The following EFNA5 variants were observed in gnomAD, a reference collection of about 807,000 sequenced individuals.
EFNA5 encodes the protein ephrin-A5.
A neutral mutation model predicts 22.9 loss-of-function variants in EFNA5; 5 were observed. The ratio of observed to expected loss-of-function variants is 0.22; its 90% confidence interval spans 0.11 to 0.46. The LOEUF (loss-of-function observed/expected upper bound fraction) is 0.46, where lower values mean the gene tolerates loss of function less well. EFNA5 is among the 20% of genes least tolerant of loss of function. The pLI, the probability that EFNA5 is intolerant of heterozygous loss-of-function variation, is 0.99. For missense variants in EFNA5, 237 were observed against 293.3 expected (o/e 0.81, Z 1.40); for synonymous variants, 113 against 112.2 (o/e 1.01, Z -0.04).
chr5:107,612,929 G>T (rs1350430985), intron 1 of EFNA5, among the ~76,000 whole-genome samples: 1 of 151,950 alleles, frequency 6.6e-6, no homozygotes, highest in Non-Finnish European at 1.5e-5. Flanking sequence ...GCAAAACAGG[G>T]AATAAAATAA....
chr5:107,631,583 G>C (rs1351945922), intron 1 of EFNA5, among the ~76,000 whole-genome samples: 2 of 151,912 alleles, frequency 1.3e-5, no homozygotes, highest in South Asian at 4.2e-4. Flanking sequence ...TATGAAATAA[G>C]TAATTTCTTT....
intron 2 of EFNA5, among the ~76,000 whole-genome samples, chr5:107,424,264 T>A (rs567015929): frequency 1.8e-3 from 254 of 144,086 alleles, no homozygotes; most frequent in Non-Finnish European, 2.9e-3. Context: ...TGGAGTGCAG[T>A]GGCTCAATCT....
chr5:107,526,273 A>C (rs1747694554), intron 1 of EFNA5, among the ~76,000 whole-genome samples: 1 of 152,232 alleles, frequency 6.6e-6, no homozygotes, highest in South Asian at 2.1e-4. Flanking sequence ...ATTAGGTTTC[A>C]ACTAGAAGAC....
At position 107,482,858 on chromosome 5, in the gene EFNA5, CTCTCTCTCTCTCTATATATATA is replaced by C. The variant is rs1561406395; in HGVS notation, c.126-55371_126-55350del. On this transcript the variant is annotated intron_variant, in intron 1 of 4. Coordinates refer to ENST00000333274, the MANE Select transcript of EFNA5 (RefSeq NM_001962.3). Reference sequence around the variant, plus strand: ...TCTCTCTCTCTCTCTCTCTCTCTCTCTCTCTCTCTCTCTATATATATATATATATATATATACATACATATAT... The same window carrying C: ...TCTCTCTCTCTCTCTCTCTCTCTCTCTATATATATATATACATACATATAT... 3.4e-3 allele frequency among the ~76,000 whole-genome samples: 309 copies of C among 91,552 alleles called. 5 individuals carry two copies. The highest frequency in any genetic ancestry group is 4.9e-3 in the Non-Finnish European group (220 of 45,254). The allele number at this position is 91,552 out of a possible 152,430, so 60.1% of individuals were successfully genotyped here.
At chr5:107,642,548 CG>C (rs1750550883) in intron 1 of EFNA5, among the ~76,000 whole-genome samples, 1 of 150,998 alleles carries the variant, frequency 6.6e-6, no homozygotes, top group Non-Finnish European at 1.5e-5. Context: ...TTCCCTGGAA[CG>C]CAAGTGAGTT....
At chr5:107,469,219 T>A (rs1270645912) in intron 1 of EFNA5, among the ~76,000 whole-genome samples, 1 of 152,108 alleles carries the variant, frequency 6.6e-6, no homozygotes, top group East Asian at 1.9e-4. Context: ...CATGAAGCTG[T>A]TCCCTGCGCT....
rs582299 is a variant in EFNA5 at position 107,560,435 on chromosome 5, G to A, written c.125+110054C>T. On this transcript the variant is annotated intron_variant, in intron 1 of 4. Coordinates refer to ENST00000333274, the MANE Select transcript of EFNA5 (RefSeq NM_001962.3). ...TATGTAGTCTCAACCATAAAGAGCA[G>A]GTGAATTTGGCTGTGTTAAAATCTA... is the stretch of plus-strand genomic sequence containing the variant. Among the ~76,000 whole-genome samples, 1,474 of 152,268 alleles carry A rather than the reference G, an allele frequency of 9.7e-3. 21 individuals carry two copies. The highest frequency in any genetic ancestry group is 0.033 in the African/African-American group (1,392 of 41,554).
Position 107,634,740 on chromosome 5 carries a change from G to A in EFNA5, c.125+35749C>T, listed in dbSNP as rs552586560. On this transcript the variant is annotated intron_variant, in intron 1 of 4. Coordinates refer to ENST00000333274, the MANE Select transcript of EFNA5 (RefSeq NM_001962.3). ...AAAATAATGACAGTATTTCAAATGG[G>A]AGAAGTTCAGATAACTGTCTCAAGT... Among the ~76,000 whole-genome samples, 2 of 121,702 alleles carry A rather than the reference G, an allele frequency of 1.6e-5. 1 individual carries two copies. The highest frequency in any genetic ancestry group is 3.9e-5 in the Non-Finnish European group (2 of 51,086). The allele number at this position is 121,702 out of a possible 152,430, so 79.8% of individuals were successfully genotyped here.
intron 1 of EFNA5, among the ~76,000 whole-genome samples, chr5:107,543,667 G>A (rs978790624): frequency 6.6e-6 from 1 of 152,060 alleles, no homozygotes; most frequent in Non-Finnish European, 1.5e-5. Context: ...GGAAGAGCAT[G>A]GGCTGCTGCT....
chr5:107,657,443 T>A (rs1750853958), intron 1 of EFNA5, among the ~76,000 whole-genome samples: 1 of 152,118 alleles, frequency 6.6e-6, no homozygotes, highest in African/African-American at 2.4e-5. Flanking sequence ...AGAACCCTCG[T>A]TTACACCACA....
chr5:107,601,714 G>A (rs1180527505), intron 1 of EFNA5, among the ~76,000 whole-genome samples: 1 of 152,168 alleles, frequency 6.6e-6, no homozygotes, highest in African/African-American at 2.4e-5. Context: ...TGTGCAAGGT[G>A]CTCCAAATTC....
chr5:107,418,118 A>C (rs1048365821), intron 2 of EFNA5, among the ~76,000 whole-genome samples: 1 of 152,240 alleles, frequency 6.6e-6, no homozygotes, highest in Non-Finnish European at 1.5e-5. Context: ...TTTACAAGAA[A>C]TGACACTCAG....
At chr5:107,462,053 C>G (rs533649797) in intron 1 of EFNA5, among the ~76,000 whole-genome samples, 1 of 152,236 alleles carries the variant, frequency 6.6e-6, no homozygotes, top group South Asian at 2.1e-4. Flanking sequence ...GTTCTTTTTG[C>G]AGCATGTGTG....
At chr5:107,442,234 G>A (rs189720720) in intron 1 of EFNA5, among the ~76,000 whole-genome samples, 8 of 151,844 alleles carry the variant, frequency 5.3e-5, no homozygotes, top group South Asian at 2.1e-4. Context: ...ACCCTACTTC[G>A]GAATCAAGAC....
chr5:107,397,386 T>C (rs563460821), intron 2 of EFNA5, among the ~76,000 whole-genome samples: 2 of 151,940 alleles, frequency 1.3e-5, no homozygotes, highest in Non-Finnish European at 2.9e-5. Context: ...CCACCTCTAC[T>C]AAAAATACAA....
chr5:107,602,675 G>T (rs952887553), intron 1 of EFNA5, among the ~76,000 whole-genome samples: 1 of 152,052 alleles, frequency 6.6e-6, no homozygotes, highest in Non-Finnish European at 1.5e-5. Flanking sequence ...TTAATTACAT[G>T]GTAATACTTA....
At chr5:107,453,708 A>G (rs1749618833) in intron 1 of EFNA5, among the ~76,000 whole-genome samples, 1 of 152,182 alleles carries the variant, frequency 6.6e-6, no homozygotes, top group Non-Finnish European at 1.5e-5. Context: ...CACAAATTCA[A>G]GCAATGCCAG....
chr5:107,406,930 A>G (rs1273223559), intron 2 of EFNA5, among the ~76,000 whole-genome samples: 1 of 152,220 alleles, frequency 6.6e-6, no homozygotes, highest in Non-Finnish European at 1.5e-5. Flanking sequence ...ATTAGAAAAA[A>G]GTGAAATAAA....
At chr5:107,483,886 G>A (rs1484061094) in intron 1 of EFNA5, among the ~76,000 whole-genome samples, 1 of 152,160 alleles carries the variant, frequency 6.6e-6, no homozygotes, top group East Asian at 1.9e-4. Flanking sequence ...ATAACTACTT[G>A]CACTGCTAAG....
Sources: gnomAD v4.1 joint callset for allele counts (sites outside exome capture counted in the v4.1 genomes callset) on GRCh38, gnomAD v4.1.1 for gene constraint, MANE v1.5 for transcripts, NCBI Gene and HGNC (gene_info 2026-07-23, HGNC 2026-07-21) for gene names.